Variants in TTYH3 observed in about 807,000 individuals in gnomAD.
The protein encoded by TTYH3 is protein tweety homolog 3.
In TTYH3, 23 loss-of-function variants were observed where a neutral mutation model predicts 68.2. That is an observed-to-expected ratio of 0.34 (90% CI 0.24 to 0.48). TTYH3 has a LOEUF of 0.48. TTYH3 is among the 20% of genes least tolerant of loss of function. The pLI, the probability that TTYH3 is intolerant of heterozygous loss-of-function variation, is 0.99. For synonymous variants in TTYH3, 360 were observed against 332.8 expected, an observed-to-expected ratio of 1.08 and a Z score of -0.89; for missense variants, 768 against 727.7, an observed-to-expected ratio of 1.06 and a Z score of -0.64.
intron 1 of TTYH3, among the ~76,000 whole-genome samples, chr7:2,635,125 C>T (rs1483667811): frequency 6.6e-6 from 1 of 152,192 alleles, no homozygotes; most frequent in African/African-American, 2.4e-5. Context: ...TGGAGGCCCA[C>T]AGGAGGCCTG....
chr7:2,648,385 C>A, intron 5 of TTYH3: 1 of 281,618 alleles, frequency 3.6e-6, no homozygotes, highest in Non-Finnish European at 6.6e-6. Flanking sequence ...GGGGCTCCTT[C>A]CTCCACCCCT....
intron 1 of TTYH3, among the ~76,000 whole-genome samples, chr7:2,640,596 C>T (rs1010825524): frequency 6.6e-6 from 1 of 152,222 alleles, no homozygotes; most frequent in African/African-American, 2.4e-5. Flanking sequence ...GGCCCTCCCA[C>T]CTTGGCAGCC....
At chr7:2,655,875 G>A (rs1786318714) in intron 9 of TTYH3, among the ~76,000 whole-genome samples, 1 of 152,206 alleles carries the variant, frequency 6.6e-6, no homozygotes, top group South Asian at 2.1e-4. Flanking sequence ...CATGTCCTTG[G>A]TAGACCCCAC....
Position 2,664,064 on chromosome 7 carries a change from C to T in TTYH3, c.*2325C>T, listed in dbSNP as rs1442813539. 3.3e-5 allele frequency: 5 copies of T among 152,536 alleles called. No homozygotes were observed. The highest frequency in any genetic ancestry group is 7.3e-5 in the Non-Finnish European group (5 of 68,086). The allele number at this position is 152,536 out of a possible 1,614,324, so 9.4% of individuals were successfully genotyped here. A position where few individuals can be genotyped will look rare whatever the true frequency, so the allele number is the denominator to read the frequency against. ...CCCACTCTCACCCTGCACAGGGGGT[C>T]TTGCAGCCCCCAGGCCCACAGCCTC... On this transcript the variant is annotated 3_prime_UTR_variant, in exon 14 of 14. Transcript: ENST00000258796.
At chr7:2,632,735 G>C (rs1785554850) in intron 1 of TTYH3, among the ~76,000 whole-genome samples, 1 of 152,252 alleles carries the variant, frequency 6.6e-6, no homozygotes, top group Admixed American at 6.5e-5. Context: ...GGGTGCCTGA[G>C]CACATTGGGT....
intron 9 of TTYH3, among the ~76,000 whole-genome samples, chr7:2,655,852 G>A (rs904874396): frequency 5.3e-5 from 8 of 152,198 alleles, no homozygotes. Flanking sequence ...CTGGACAGGC[G>A]CTTCTGGGTC....
chr7:2,638,565 C>G (rs1356047731), intron 1 of TTYH3, among the ~76,000 whole-genome samples: 1 of 152,120 alleles, frequency 6.6e-6, no homozygotes, highest in Non-Finnish European at 1.5e-5. Context: ...AGCCTGGCGA[C>G]CTGGACCTCG....
intron 1 of TTYH3, among the ~76,000 whole-genome samples, chr7:2,639,506 C>T (rs140937895): frequency 1.4e-3 from 217 of 152,338 alleles, no homozygotes; most frequent in Middle Eastern, 0.014. Context: ...GGGGAGCCCC[C>T]GACCTAGCGC....
intron 5 of TTYH3, 101 bp from the exon 6 acceptor site, chr7:2,649,466 C>A: frequency 1.7e-6 from 2 of 1,190,332 alleles, no homozygotes; most frequent in Non-Finnish European, 2.4e-6. Flanking sequence ...TGTGGGCTGA[C>A]CCCTGATGTG....
chr7:2,649,898 C>G lies in TTYH3; in HGVS notation c.796-15C>G, dbSNP rs776916696. On this transcript the variant is annotated splice_polypyrimidine_tract_variant and intron_variant, in intron 6 of 13. Transcript: ENST00000258796. ...AGCTTGGTCAACCCCTCTTGCTTGCCCACGCCCACCTCAGGGCTCCAGCGA... is the reference window on the plus strand; with the variant it reads ...AGCTTGGTCAACCCCTCTTGCTTGCGCACGCCCACCTCAGGGCTCCAGCGA... The G allele has an allele frequency of 2.4e-5, 38 of 1,613,718 alleles. No individual in the cohort carries two copies. Among genetic ancestry groups the G allele is most frequent in the Admixed American group, 3.3e-5 (2 of 60,000 alleles).
chr7:2,632,833 G>A (rs994492880), intron 1 of TTYH3, among the ~76,000 whole-genome samples: 1 of 152,250 alleles, frequency 6.6e-6, no homozygotes, highest in African/African-American at 2.4e-5. Flanking sequence ...CTGGGCCGCC[G>A]CCAGCCCTCT....
At chr7:2,644,960 C>A (rs914822676) in intron 1 of TTYH3, among the ~76,000 whole-genome samples, 1 of 152,242 alleles carries the variant, frequency 6.6e-6, no homozygotes, top group South Asian at 2.1e-4. Flanking sequence ...GGCAGGGGAC[C>A]ATCTGCCCCA....
At chr7:2,643,430 C>T (rs1785905115) in intron 1 of TTYH3, among the ~76,000 whole-genome samples, 1 of 152,046 alleles carries the variant, frequency 6.6e-6, no homozygotes, top group Non-Finnish European at 1.5e-5. Flanking sequence ...TTCTCAGCGT[C>T]TCTCACCATC....
chr7:2,632,163 G>T lies in TTYH3; in HGVS notation c.8G>T (p.Gly3Val), dbSNP rs1399540808. ...AGGCGGCCGGGCCCCGCCATGGCCG[G>T]GGTCAGCTACGCGGCGCCCTGGTGG... MAGVSYAAPWWVS... is the reference protein window; with the variant it reads MAVVSYAAPWWVS... Residue 3 changes from glycine (G) to valine (V), a missense_variant, in exon 1 of 14, where the codon GGG (glycine) becomes GTG (valine). Transcript: ENST00000258796. The T allele has an allele frequency of 6.8e-7, 1 of 1,462,732 alleles. No individual in the cohort carries two copies. The allele number at this position is 1,462,732 out of a possible 1,614,324, so 90.6% of individuals were successfully genotyped here.
At chr7:2,640,149 C>A (rs1785797721) in intron 1 of TTYH3, among the ~76,000 whole-genome samples, 1 of 152,236 alleles carries the variant, frequency 6.6e-6, no homozygotes, top group African/African-American at 2.4e-5. Context: ...GAGCGAGCAG[C>A]CGTGGCTGGA....
chr7:2,636,825 T>G (rs1785669477), intron 1 of TTYH3, among the ~76,000 whole-genome samples: 1 of 152,080 alleles, frequency 6.6e-6, no homozygotes, highest in South Asian at 2.1e-4. Flanking sequence ...CAGGCCACCC[T>G]TGGCCCGGCC....
intron 1 of TTYH3, among the ~76,000 whole-genome samples, chr7:2,635,293 C>T (rs1785628372): frequency 6.6e-6 from 1 of 152,348 alleles, no homozygotes; most frequent in African/African-American, 2.4e-5. Context: ...AGAGCCTTCT[C>T]TTCAGCTAGA....
Position 2,663,691 on chromosome 7 carries a change from A to G in TTYH3, c.*1952A>G, listed in dbSNP as rs1786550189. The G allele has an allele frequency of 6.6e-6, 1 of 152,618 alleles. No homozygotes were observed. Among genetic ancestry groups the G allele is most frequent in the Non-Finnish European group, 1.5e-5 (1 of 68,048 alleles). The allele number at this position is 152,618 out of a possible 1,614,324, so 9.5% of individuals were successfully genotyped here. ...GTGGGTGCCCGCCAAACGCCCTGCG[A>G]CCGCTCAGAAGCACAAATGCTGTCC... is the stretch of plus-strand genomic sequence containing the variant. On this transcript the variant is annotated 3_prime_UTR_variant, in exon 14 of 14. Coordinates refer to ENST00000258796, the MANE Select transcript of TTYH3 (RefSeq NM_025250.3).
intron 1 of TTYH3, among the ~76,000 whole-genome samples, chr7:2,640,684 T>C (rs959138060): frequency 2.8e-4 from 43 of 152,010 alleles, no homozygotes; most frequent in Non-Finnish European, 4.7e-4. Context: ...CTGATGGGAG[T>C]CACGTCCAGA....
Sources: gnomAD v4.1 joint callset for allele counts (sites outside exome capture counted in the v4.1 genomes callset) on GRCh38, gnomAD v4.1.1 for gene constraint, MANE v1.5 for transcripts, NCBI Gene and HGNC (gene_info 2026-07-23, HGNC 2026-07-21) for gene names.